The following CTNNA3 variants were observed in gnomAD, a reference collection of about 807,000 sequenced individuals.
CTNNA3 encodes the protein catenin alpha 3.
In CTNNA3, 76 loss-of-function variants were observed where a neutral mutation model predicts 95.7. That is an observed-to-expected ratio of 0.79 (90% CI 0.66 to 0.96). The LOEUF is 0.96. Among genes scored for constraint, CTNNA3 ranks in the 40% least tolerant of loss-of-function variants. The pLI, the probability that CTNNA3 is intolerant of heterozygous loss-of-function variation, is 0.00. For synonymous variants in CTNNA3, 431 were observed against 374.4 expected (o/e 1.15, Z -1.74); for missense variants, 1,191 against 1,089.8 (o/e 1.09, Z -1.31).
At chr10:66,101,513 A>T (rs2081628833) in intron 14 of CTNNA3, among the ~76,000 whole-genome samples, 1 of 152,152 alleles carries the variant, frequency 6.6e-6, no homozygotes, top group East Asian at 1.9e-4. Flanking sequence ...ATGTCTGAAA[A>T]CATGGAACTT....
intron 5 of CTNNA3, among the ~76,000 whole-genome samples, chr10:67,518,612 G>A (rs972473851): frequency 2.0e-5 from 3 of 152,042 alleles, no homozygotes; most frequent in Non-Finnish European, 4.4e-5. Context: ...AGAAGCCTCT[G>A]GAAATGGATG....
At chr10:67,466,072 T>G (rs1373812821) in intron 5 of CTNNA3, among the ~76,000 whole-genome samples, 3 of 152,206 alleles carry the variant, frequency 2.0e-5, no homozygotes, top group Non-Finnish European at 4.4e-5. Context: ...AAACTTATTT[T>G]GGAGTTAATT....
At chr10:66,098,435 A>C (rs572777573) in intron 14 of CTNNA3, among the ~76,000 whole-genome samples, 1 of 152,328 alleles carries the variant, frequency 6.6e-6, no homozygotes, top group Non-Finnish European at 1.5e-5. Context: ...AACAAAAAAT[A>C]AGCTCCAGGG....
chr10:67,380,386 A>C (rs12218521), intron 5 of CTNNA3, among the ~76,000 whole-genome samples: 1 of 152,210 alleles, frequency 6.6e-6, no homozygotes, highest in African/African-American at 2.4e-5. Flanking sequence ...AATAAATAAA[A>C]GAATATTCCT....
At chr10:67,153,572 G>A (rs1271917962) in intron 7 of CTNNA3, among the ~76,000 whole-genome samples, 1 of 152,218 alleles carries the variant, frequency 6.6e-6, no homozygotes, top group Non-Finnish European at 1.5e-5. Flanking sequence ...TAAATTCAGA[G>A]TTCTCCGACA....
At chr10:66,638,507 T>C (rs1224378849) in intron 9 of CTNNA3, among the ~76,000 whole-genome samples, 3 of 152,118 alleles carry the variant, frequency 2.0e-5, no homozygotes, top group Non-Finnish European at 4.4e-5. Flanking sequence ...TTGATATTAA[T>C]AGGCTTAATC....
At chr10:67,105,534 G>C (rs1367197129) in intron 7 of CTNNA3, among the ~76,000 whole-genome samples, 1 of 152,000 alleles carries the variant, frequency 6.6e-6, no homozygotes, top group Non-Finnish European at 1.5e-5. Flanking sequence ...ATCTGTTCTT[G>C]CTGTTTTACA....
chr10:66,896,505 T>C (rs1345230431), intron 7 of CTNNA3, among the ~76,000 whole-genome samples: 4 of 152,222 alleles, frequency 2.6e-5, no homozygotes, highest in Non-Finnish European at 5.9e-5. Flanking sequence ...GGCTGTGTTC[T>C]GATATTTAAG....
At chr10:67,277,629 A>G (rs1400071141) in intron 5 of CTNNA3, among the ~76,000 whole-genome samples, 4 of 152,262 alleles carry the variant, frequency 2.6e-5, no homozygotes, top group African/African-American at 4.8e-5. Context: ...CACAAGATAC[A>G]GGTCACAAAG....
rs182814590 is a variant in CTNNA3 at position 66,008,824 on chromosome 10, G to A, written c.2160-20027C>T. ...AGGATGCAAATCTGTACTTCAGGCC[G>A]GGTGCGGTGGCTCACACCTGTAATC... On this transcript the variant is annotated intron_variant, in intron 15 of 17. Coordinates refer to ENST00000433211, the MANE Select transcript of CTNNA3 (RefSeq NM_013266.4). Among the ~76,000 whole-genome samples, 10 of 152,176 alleles carry A rather than the reference G, an allele frequency of 6.6e-5. No individual in the cohort carries two copies. The East Asian group carries it at 9.7e-4, about 15-fold the overall frequency.
At chr10:66,869,508 G>A (rs913863958) in intron 7 of CTNNA3, among the ~76,000 whole-genome samples, 3 of 152,182 alleles carry the variant, frequency 2.0e-5, no homozygotes, top group African/African-American at 7.2e-5. Context: ...GGGAGGCGGA[G>A]GTTGCAGTGA....
At chr10:66,903,949 C>G (rs535630579) in intron 7 of CTNNA3, among the ~76,000 whole-genome samples, 215 of 152,314 alleles carry the variant, frequency 1.4e-3, no homozygotes, top group African/African-American at 5.0e-3. Flanking sequence ...AATGGCCGTA[C>G]TGCCCAAGGT....
At chr10:67,444,996 T>C (rs10997643) in intron 5 of CTNNA3, among the ~76,000 whole-genome samples, 12,932 of 151,796 alleles carry the variant, frequency 0.085, 654 homozygotes, top group South Asian at 0.16. Flanking sequence ...TACAATATAG[T>C]TTATGAAGAA....
At chr10:67,327,981 T>C (rs1841614553) in intron 5 of CTNNA3, among the ~76,000 whole-genome samples, 1 of 151,218 alleles carries the variant, frequency 6.6e-6, no homozygotes, top group Non-Finnish European at 1.5e-5. Flanking sequence ...CTCTGCAGAG[T>C]GTTACCATAA....
At chr10:66,072,442 G>C (rs370176707) in intron 14 of CTNNA3, among the ~76,000 whole-genome samples, 2 of 76,432 alleles carry the variant, frequency 2.6e-5, no homozygotes, top group East Asian at 3.9e-4. Context: ...ACATTTTCTT[G>C]TTTTTGTTTT....
intron 11 of CTNNA3, among the ~76,000 whole-genome samples, chr10:66,505,621 T>A (rs1425179228): frequency 2.6e-5 from 4 of 152,174 alleles, no homozygotes; most frequent in African/African-American, 9.6e-5. Flanking sequence ...CGGCTTGAGC[T>A]AGGATGCAGT....
chr10:67,346,798 T>C (rs1014088664), intron 5 of CTNNA3: 1 of 419,378 alleles, frequency 2.4e-6, no homozygotes, highest in Non-Finnish European at 4.8e-6. Context: ...GTCAAGATCA[T>C]TCCCTCATGA....
chr10:66,937,870 C>A (rs1441744601), intron 7 of CTNNA3, among the ~76,000 whole-genome samples: 1 of 152,122 alleles, frequency 6.6e-6, no homozygotes, highest in South Asian at 2.1e-4. Context: ...TCTTATTAAT[C>A]TTTTCCTTCC....
At chr10:67,347,203 C>A (rs1311386356) in intron 5 of CTNNA3, among the ~76,000 whole-genome samples, 1 of 151,876 alleles carries the variant, frequency 6.6e-6, no homozygotes, top group African/African-American at 2.4e-5. Flanking sequence ...GCATGAGCCA[C>A]CAATGCCCAG....
Sources: allele counts gnomAD v4.1 joint callset (sites outside exome capture counted in the v4.1 genomes callset), GRCh38; gene constraint gnomAD v4.1.1; transcripts MANE v1.5; gene names NCBI Gene and HGNC (gene_info 2026-07-23, HGNC 2026-07-21).